The following TBC1D5 variants were observed in gnomAD, a reference collection of about 807,000 sequenced individuals.
The protein encoded by TBC1D5 is TBC1 domain family member 5.
TBC1D5 carries 75 observed loss-of-function variants against 100.3 expected under a neutral mutation model. The observed-to-expected ratio is 0.75, with a 90% CI of 0.62 to 0.91. The LOEUF is 0.91. TBC1D5 is among the 40% of genes least tolerant of loss of function. The probability of loss-of-function intolerance (pLI) is 0.00; values close to 1 mark genes in which losing one functional copy is unlikely to be tolerated. For synonymous variants in TBC1D5, 323 were observed against 325.6 expected (o/e 0.99, Z 0.09); for missense variants, 910 against 942.4 (o/e 0.97, Z 0.45).
intron 13 of TBC1D5, among the ~76,000 whole-genome samples, chr3:17,351,813 GAAAA>G (rs879802026): frequency 9.9e-6 from 1 of 100,990 alleles, no homozygotes; most frequent in Non-Finnish European, 2.0e-5. Context: ...GAAAAGAAAG[GAAAA>G]AAAAAAAAGA....
At chr3:17,578,963 A>T (rs371444950) in intron 2 of TBC1D5, among the ~76,000 whole-genome samples, 4 of 152,060 alleles carry the variant, frequency 2.6e-5, no homozygotes, top group Admixed American at 1.3e-4. Context: ...ATATATTCCA[A>T]ATAATTTGGG....
At chr3:17,218,672 T>C (rs1330877873) in intron 17 of TBC1D5, among the ~76,000 whole-genome samples, 2 of 152,006 alleles carry the variant, frequency 1.3e-5, no homozygotes, top group East Asian at 3.9e-4. Context: ...ATAGTTTTAT[T>C]GGATATATAA....
At chr3:17,628,755 T>C (rs2063267879) in intron 1 of TBC1D5, among the ~76,000 whole-genome samples, 1 of 152,244 alleles carries the variant, frequency 6.6e-6, no homozygotes, top group Non-Finnish European at 1.5e-5. Context: ...ATGTACTCAC[T>C]GTACGTGGGT....
At chr3:17,574,862 C>A (rs1261238396) in intron 2 of TBC1D5, among the ~76,000 whole-genome samples, 1 of 152,054 alleles carries the variant, frequency 6.6e-6, no homozygotes, top group Non-Finnish European at 1.5e-5. Flanking sequence ...ACCCTACTGG[C>A]TTCCATATCC....
chr3:17,643,035 C>T (rs901857540), intron 1 of TBC1D5, among the ~76,000 whole-genome samples: 10 of 152,006 alleles, frequency 6.6e-5, no homozygotes, highest in African/African-American at 2.2e-4. Context: ...TCGTCAGTTA[C>T]GCCACTAATG....
At chr3:17,702,032 G>T in intron 1 of TBC1D5, among the ~76,000 whole-genome samples, 1 of 152,038 alleles carries the variant, frequency 6.6e-6, no homozygotes, top group East Asian at 1.9e-4. Context: ...AAATTAGGGT[G>T]AATTTTTAAT....
chr3:17,556,509 C>T (rs1224724473), intron 2 of TBC1D5, among the ~76,000 whole-genome samples: 1 of 152,138 alleles, frequency 6.6e-6, no homozygotes, highest in East Asian at 1.9e-4. Flanking sequence ...TTTCTCCTCT[C>T]GATGCCATCT....
At chr3:17,417,216 G>C (rs1480862890) in intron 4 of TBC1D5, among the ~76,000 whole-genome samples, 2 of 151,824 alleles carry the variant, frequency 1.3e-5, no homozygotes, top group Non-Finnish European at 2.9e-5. Context: ...TATACTTTAA[G>C]TTTTAGGGTT....
intron 15 of TBC1D5, among the ~76,000 whole-genome samples, chr3:17,263,799 G>A (rs1349196661): frequency 2.0e-4 from 31 of 152,154 alleles, no homozygotes; most frequent in East Asian, 1.9e-4. Flanking sequence ...CCCATGCTAC[G>A]CTTCTGACTT....
At position 17,705,354 on chromosome 3, in the gene TBC1D5, C is replaced by CA. The variant is rs1294356951; in HGVS notation, c.-101+33988_-101+33989insT. ...TGGCCGGGCTGGGGGCTGACCCCCC[C>CA]CCACCTCCCTCCCGGACGGGGTGGC... On this transcript the variant is annotated intron_variant, in intron 1 of 21. Coordinates refer to ENST00000253692, the Ensembl canonical transcript of TBC1D5. 6.6e-5 allele frequency among the ~76,000 whole-genome samples: 8 copies of CA among 121,638 alleles called. 2 individuals carry two copies. Among genetic ancestry groups the CA allele is most frequent in the Non-Finnish European group, 1.5e-4 (8 of 55,098 alleles). The allele number at this position is 121,638 out of a possible 152,430, so 79.8% of individuals were successfully genotyped here.
intron 14 of TBC1D5, among the ~76,000 whole-genome samples, chr3:17,303,593 C>T (rs1476553947): frequency 2.6e-5 from 4 of 152,164 alleles, no homozygotes; most frequent in Admixed American, 2.6e-4. Context: ...GTACTCCAAC[C>T]ATACCAAGCA....
chr3:17,203,698 T>G (rs1378601850), intron 18 of TBC1D5, among the ~76,000 whole-genome samples: 1 of 152,172 alleles, frequency 6.6e-6, no homozygotes, highest in Admixed American at 6.5e-5. Flanking sequence ...ACCTCCCCCT[T>G]CAATCTCTCT....
At chr3:17,470,717 C>T (rs975865925) in intron 3 of TBC1D5, among the ~76,000 whole-genome samples, 64 of 151,932 alleles carry the variant, frequency 4.2e-4, no homozygotes, top group Non-Finnish European at 6.6e-4. Flanking sequence ...GTCAAGACAT[C>T]GAGACCATCC....
chr3:17,541,231 G>A (rs1304209921), intron 2 of TBC1D5, among the ~76,000 whole-genome samples: 3 of 150,904 alleles, frequency 2.0e-5, no homozygotes, highest in Non-Finnish European at 2.9e-5. Context: ...GATTTTGACA[G>A]GGATGCACCA....
intron 2 of TBC1D5, among the ~76,000 whole-genome samples, chr3:17,614,411 G>A (rs1193438076): frequency 2.0e-5 from 3 of 152,130 alleles, no homozygotes; most frequent in African/African-American, 4.8e-5. Flanking sequence ...TAGTTTCTGC[G>A]AATTCTGTGA....
chr3:17,300,029 A>T (rs184913656), intron 14 of TBC1D5, among the ~76,000 whole-genome samples: 2,802 of 152,194 alleles, frequency 0.018, 85 homozygotes, highest in African/African-American at 0.064. Context: ...CAATTTTTTT[A>T]AAAAAGGAAA....
At chr3:17,448,090 C>T (rs1448899677) in intron 3 of TBC1D5, among the ~76,000 whole-genome samples, 1 of 152,146 alleles carries the variant, frequency 6.6e-6, no homozygotes, top group East Asian at 1.9e-4. Context: ...CCGGAGCCCT[C>T]GGGTTCAAGG....
At chr3:17,408,797 G>A (rs932295429) in intron 4 of TBC1D5, among the ~76,000 whole-genome samples, 3 of 151,916 alleles carry the variant, frequency 2.0e-5, no homozygotes, top group African/African-American at 7.3e-5. Context: ...GTATAATTAA[G>A]ATCTAACATT....
intron 3 of TBC1D5, among the ~76,000 whole-genome samples, chr3:17,467,815 C>G (rs563037902): frequency 6.6e-6 from 1 of 152,104 alleles, no homozygotes; most frequent in African/African-American, 2.4e-5. Flanking sequence ...GAGAATTGCT[C>G]AAACCCGGGA....
Sources: gnomAD v4.1 joint callset for allele counts (sites outside exome capture counted in the v4.1 genomes callset) on GRCh38, gnomAD v4.1.1 for gene constraint, MANE v1.5 for transcripts, NCBI Gene and HGNC (gene_info 2026-07-23, HGNC 2026-07-21) for gene names.